Variants in KCNN2 observed in about 807,000 individuals in gnomAD.
The protein encoded by KCNN2 is small conductance calcium-activated potassium channel protein 2.
In KCNN2, 24 loss-of-function variants were observed where a neutral mutation model predicts 55.5. That is an observed-to-expected ratio of 0.43 (90% CI 0.31 to 0.61). The LOEUF is 0.61. Among genes scored for constraint, KCNN2 ranks in the 20% least tolerant of loss-of-function variants. The pLI, the probability that KCNN2 is intolerant of heterozygous loss-of-function variation, is 0.08. For synonymous variants in KCNN2, 431 were observed against 336.1 expected (o/e 1.28, Z -3.09); for missense variants, 754 against 853.6 (o/e 0.88, Z 1.45).
chr5:114,088,055 T>A (rs1301337131), intron 1 of KCNN2, among the ~76,000 whole-genome samples: 1 of 152,156 alleles, frequency 6.6e-6, no homozygotes, highest in Non-Finnish European at 1.5e-5. Context: ...TTAGTGCGAA[T>A]CTGCTGGCAG....
chr5:114,478,873 T>C (rs1480950869), intron 5 of KCNN2, among the ~76,000 whole-genome samples: 1 of 152,138 alleles, frequency 6.6e-6, no homozygotes, highest in Non-Finnish European at 1.5e-5. Flanking sequence ...CCACCAGGCC[T>C]GCCTTTCAAG....
At chr5:114,416,102 C>T (rs1759295839) in intron 3 of KCNN2, among the ~76,000 whole-genome samples, 1 of 152,192 alleles carries the variant, frequency 6.6e-6, no homozygotes. Context: ...CAAAAAAAGA[C>T]TGTTTTTCAA....
chr5:114,102,920 G>A (rs1003739239), intron 1 of KCNN2, among the ~76,000 whole-genome samples: 1 of 152,100 alleles, frequency 6.6e-6, no homozygotes, highest in Admixed American at 6.6e-5. Flanking sequence ...GGCTATATGG[G>A]CTCTTTTTTG....
At chr5:114,224,194 A>T (rs1016868732) in intron 2 of KCNN2, among the ~76,000 whole-genome samples, 1 of 152,196 alleles carries the variant, frequency 6.6e-6, no homozygotes, top group Admixed American at 6.5e-5. Flanking sequence ...ATAAGGAAAA[A>T]TGGATTTGAA....
At chr5:114,057,757 G>T (rs1398554504) in intron 1 of KCNN2, among the ~76,000 whole-genome samples, 1 of 152,160 alleles carries the variant, frequency 6.6e-6, no homozygotes, top group Non-Finnish European at 1.5e-5. Flanking sequence ...AGACCCTGAA[G>T]AACTGAGAAG....
chr5:114,238,708 G>A (rs1223145301), intron 2 of KCNN2, among the ~76,000 whole-genome samples: 1 of 152,052 alleles, frequency 6.6e-6, no homozygotes, highest in Non-Finnish European at 1.5e-5. Context: ...TCCACCATAG[G>A]GAGCTGGCAT....
At chr5:114,183,905 C>T (rs1402154383) in intron 1 of KCNN2, among the ~76,000 whole-genome samples, 2 of 151,778 alleles carry the variant, frequency 1.3e-5, no homozygotes, top group East Asian at 3.9e-4. Flanking sequence ...TTGCTTTGCT[C>T]ATCTTTTTAT....
chr5:114,254,082 T>C (rs1481081484), intron 2 of KCNN2, among the ~76,000 whole-genome samples: 1 of 152,178 alleles, frequency 6.6e-6, no homozygotes, highest in Non-Finnish European at 1.5e-5. Context: ...CCTTTTATTC[T>C]GAGATTCACT....
At chr5:114,341,468 A>C (rs890496734) in intron 2 of KCNN2, among the ~76,000 whole-genome samples, 3 of 152,172 alleles carry the variant, frequency 2.0e-5, no homozygotes, top group Non-Finnish European at 2.9e-5. Context: ...GGGGAAAATT[A>C]GGGGTTTTCA....
At chr5:114,228,668 T>C (rs145471400) in intron 2 of KCNN2, among the ~76,000 whole-genome samples, 111 of 152,228 alleles carry the variant, frequency 7.3e-4, no homozygotes, top group African/African-American at 2.6e-3. Context: ...GCTTTCTCAC[T>C]CAGCCCCTTA....
At chr5:114,077,105 A>G (rs1750699524) in intron 1 of KCNN2, among the ~76,000 whole-genome samples, 1 of 152,220 alleles carries the variant, frequency 6.6e-6, no homozygotes, top group Non-Finnish European at 1.5e-5. Flanking sequence ...TTACATTTGT[A>G]TCCCTCTATT....
chr5:114,380,443 A>G (rs1758083353), intron 2 of KCNN2, among the ~76,000 whole-genome samples: 1 of 152,228 alleles, frequency 6.6e-6, no homozygotes, highest in Non-Finnish European at 1.5e-5. Flanking sequence ...GCTACAGAGC[A>G]TCAAAGAGAA....
chr5:114,103,280 A>G (rs1356115791), intron 1 of KCNN2, among the ~76,000 whole-genome samples: 1 of 151,482 alleles, frequency 6.6e-6, no homozygotes, highest in Non-Finnish European at 1.5e-5. Flanking sequence ...TGCAAATTGT[A>G]TCCTGAGACG....
At chr5:114,198,365 T>A (rs1171286261) in intron 1 of KCNN2, among the ~76,000 whole-genome samples, 1 of 150,252 alleles carries the variant, frequency 6.7e-6, no homozygotes, top group Non-Finnish European at 1.5e-5. Context: ...CATAGGTGTG[T>A]ATATATACAT....
intron 1 of KCNN2, among the ~76,000 whole-genome samples, chr5:114,077,889 A>C (rs145705844): frequency 6.6e-6 from 1 of 152,194 alleles, no homozygotes; most frequent in Admixed American, 6.5e-5. Context: ...CTCTTTGTGC[A>C]ATTGAAAACA....
At chr5:114,247,844 T>C (rs10036437) in intron 2 of KCNN2, among the ~76,000 whole-genome samples, 117,427 of 151,522 alleles carry the variant, frequency 0.77, 45,779 homozygotes, top group East Asian at 0.9. Context: ...GATTATGTCT[T>C]AGGTGGGTTT....
chr5:114,304,475 A>G (rs1756229671), intron 2 of KCNN2, among the ~76,000 whole-genome samples: 1 of 152,162 alleles, frequency 6.6e-6, no homozygotes, highest in Non-Finnish European at 1.5e-5. Flanking sequence ...CCAGCTCATG[A>G]TGGGAACTTG....
chr5:114,061,756 A>G (rs1750336274), intron 1 of KCNN2, among the ~76,000 whole-genome samples: 1 of 152,208 alleles, frequency 6.6e-6, no homozygotes, highest in African/African-American at 2.4e-5. Context: ...GCCTGGAGGC[A>G]AAGCCCAGGT....
intron 2 of KCNN2, among the ~76,000 whole-genome samples, chr5:114,373,583 C>T (rs1757828854): frequency 7.4e-6 from 1 of 135,900 alleles, no homozygotes; most frequent in African/African-American, 2.6e-5. Flanking sequence ...CTTCAATTTT[C>T]TTGTCTGTAA....
Sources: allele counts gnomAD v4.1 joint callset (sites outside exome capture counted in the v4.1 genomes callset), GRCh38; gene constraint gnomAD v4.1.1; transcripts MANE v1.5; gene names NCBI Gene and HGNC (gene_info 2026-07-23, HGNC 2026-07-21).